The following ZNF250 variants were observed in gnomAD, a reference collection of about 807,000 sequenced individuals.
ZNF250 encodes the protein zinc finger protein 250.
A neutral mutation model predicts 37.1 loss-of-function variants in ZNF250; 13 were observed. The ratio of observed to expected loss-of-function variants is 0.35; its 90% CI spans 0.23 to 0.56. ZNF250 has a LOEUF of 0.56. ZNF250 is among the 20% of genes least tolerant of loss of function. ZNF250 has a pLI of 0.87. For synonymous variants in ZNF250, 251 were observed against 265.6 expected (o/e 0.94, Z 0.54); for missense variants, 474 against 697.9 (o/e 0.68, Z 3.61).
At chr8:144,893,497 ATTTTTGTACT>A (rs1832498679) in intron 1 of ZNF250, among the ~76,000 whole-genome samples, 1 of 151,648 alleles carries the variant, frequency 6.6e-6, no homozygotes, top group Admixed American at 6.6e-5. Context: ...TGCCCGGCTA[ATTTTTGTACT>A]TTTTGTAGGT....
At chr8:144,886,786 G>A (rs531286454) in intron 5 of ZNF250, 54 bp downstream of exon 5, 3 of 1,526,192 alleles carry the variant, frequency 2.0e-6, no homozygotes, top group African/African-American at 1.4e-5. Context: ...TAAAACATTA[G>A]TGTTAACACC....
intron 5 of ZNF250, among the ~76,000 whole-genome samples, chr8:144,883,690 G>C (rs531361750): frequency 2.8e-4 from 42 of 151,918 alleles, no homozygotes; most frequent in Non-Finnish European, 5.1e-4. Context: ...GGAGGGGAGG[G>C]AAGGACAAGA....
intron 1 of ZNF250, among the ~76,000 whole-genome samples, chr8:144,899,096 GGTCATTAT>G (rs1832917051): frequency 6.6e-6 from 1 of 152,092 alleles, no homozygotes; most frequent in Non-Finnish European, 1.5e-5. Flanking sequence ...TGGAACTGGA[GGTCATTAT>G]GTTAATTGAA....
chr8:144,896,008 C>CAAA (rs1183288137), intron 1 of ZNF250, among the ~76,000 whole-genome samples: 1,346 of 64,854 alleles, frequency 0.021, 39 homozygotes, highest in African/African-American at 0.07. Context: ...GACTCTGTCT[C>CAAA]AAAAAAAAAA....
At position 144,897,492 on chromosome 8, in the gene ZNF250, C is replaced by T. The variant is rs572440173; in HGVS notation, c.-55+3907G>A. Among the ~76,000 whole-genome samples, 7 of 152,190 alleles carry T rather than the reference C, an allele frequency of 4.6e-5. No individual in the cohort carries two copies. The highest frequency in any genetic ancestry group is 6.5e-5 in the Admixed American group (1 of 15,274). On this transcript the variant is annotated intron_variant, in intron 1 of 5. Transcript: ENST00000417550. This position sits in a 1 kb window ranked among gnomAD's most constrained non-coding sequence, Gnocchi z 5.2. ...GTATCCAAATTGATAGCTTTCTGGT[C>T]GGGCACAGTGGCTCATGCCTGTAAT... is the stretch of plus-strand genomic sequence containing the variant.
Position 144,882,159 on chromosome 8 carries a change from T to C in ZNF250, c.1024A>G (p.Thr342Ala), listed in dbSNP as rs144962812. Residue 342 changes from threonine to alanine, a missense_variant, in exon 6 of 6, where the codon ACC (threonine) becomes GCC (alanine). By Grantham distance (58) the Thr-to-Ala change is moderately conservative. Coordinates refer to ENST00000417550, the MANE Select transcript of ZNF250 (RefSeq NM_001109689.4). The surrounding 1 kb of genome is among the most constrained non-coding windows in gnomAD (Gnocchi z 5.5). The stretch of plus-strand genomic sequence containing the variant: ...AGCAGTGTCCTCTTCACACTGAAGG[T>C]TTTCCCACACTCATTGCACCTGTGA... ...KPHRCNECGK[T>A]FSVKRTLLQH... 3.4e-4 allele frequency: 545 copies of C among 1,610,670 alleles called. No homozygotes were observed. The highest frequency in any genetic ancestry group is 4.3e-4 in the Non-Finnish European group (506 of 1,179,072).
chr8:144,893,844 G>A (rs1396617879), intron 1 of ZNF250, among the ~76,000 whole-genome samples: 2 of 152,062 alleles, frequency 1.3e-5, no homozygotes, highest in South Asian at 2.1e-4. Context: ...CGAGGCTTTC[G>A]ACTAGGCTAA....
chr8:144,900,643 G>A (rs1190827227), intron 1 of ZNF250, among the ~76,000 whole-genome samples: 1 of 152,120 alleles, frequency 6.6e-6, no homozygotes, highest in Non-Finnish European at 1.5e-5. Flanking sequence ...TTAAAATAGG[G>A]CTCTAACACA....
At chr8:144,887,690 TG>T (rs1831994607) in intron 4 of ZNF250, among the ~76,000 whole-genome samples, 1 of 152,192 alleles carries the variant, frequency 6.6e-6, no homozygotes, top group African/African-American at 2.4e-5. Context: ...AGCCCAGGAC[TG>T]GTTTGGCAGT....
At chr8:144,888,998 G>C (rs1159575368) in intron 4 of ZNF250, among the ~76,000 whole-genome samples, 1 of 152,100 alleles carries the variant, frequency 6.6e-6, no homozygotes, top group Admixed American at 6.5e-5. Context: ...TTGATCTCCT[G>C]ACCTCGTGAT....
At chr8:144,884,367 T>C (rs1224064277) in intron 5 of ZNF250, among the ~76,000 whole-genome samples, 1 of 152,240 alleles carries the variant, frequency 6.6e-6, no homozygotes, top group Non-Finnish European at 1.5e-5. Context: ...TTCTCCTGCC[T>C]CAGCCTCCCC....
In ZNF250 at chr8:144,882,702, A is replaced by G; in HGVS notation, c.481T>C (p.Cys161Arg). 1.2e-6 allele frequency: 2 copies of G among 1,614,070 alleles called. No individual in the cohort carries two copies. The highest frequency in any genetic ancestry group is 8.5e-7 in the Non-Finnish European group (1 of 1,179,904). Residue 161 changes from cysteine to arginine, a missense_variant, in exon 6 of 6, where the codon TGT becomes CGT. Transcript: ENST00000417550. This position sits in a 1 kb window ranked among gnomAD's most constrained non-coding sequence, Gnocchi z 5.5. The stretch of plus-strand genomic sequence containing the variant: ...TGGTCAACAGAGTTTGGACTCAGAC[A>G]GAAGCTTTGCTTTGTTTCATTATTT... ...QENNETKQSF[C>R]LSPNSVDHRE...
In ZNF250 at chr8:144,897,359, G is replaced by A. The variant is rs945593241; in HGVS notation, c.-55+4040C>T. ...AAGAGAGGCAGCTTCTGAGCCACTT[G>A]TGAGCACAAGGCGAAACACTGCTAA... On this transcript the variant is annotated intron_variant, in intron 1 of 5. Coordinates refer to ENST00000417550, the MANE Select transcript of ZNF250 (RefSeq NM_001109689.4). The surrounding 1 kb of genome is among the most constrained non-coding windows in gnomAD (Gnocchi z 5.2). Among the ~76,000 whole-genome samples the A allele has an allele frequency of 2.0e-5, 3 of 152,246 alleles. No homozygotes were observed. The highest frequency in any genetic ancestry group is 4.4e-5 in the Non-Finnish European group (3 of 68,050).
chr8:144,887,252 C>CAAAAAAAAAAAAAAAAAAAA (rs56677445), intron 4 of ZNF250, among the ~76,000 whole-genome samples: 1 of 63,080 alleles, frequency 1.6e-5, no homozygotes, highest in African/African-American at 7.6e-5. Context: ...CTCCGTCTCT[C>CAAAAAAAAAAAAAAAAAAAA]AAAAAAAAAA....
chr8:144,886,414 T>A (rs1831884919), intron 5 of ZNF250, among the ~76,000 whole-genome samples: 1 of 152,202 alleles, frequency 6.6e-6, no homozygotes, highest in East Asian at 1.9e-4. Flanking sequence ...TATGACTGCT[T>A]GTGAGACAGA....
At position 144,882,076 on chromosome 8, in the gene ZNF250, C is replaced by T. The variant is rs756372621; in HGVS notation, c.1107G>A (p.Lys369=). The T allele has an allele frequency of 2.3e-5, 37 of 1,613,842 alleles. No individual in the cohort carries two copies. The African/African-American group carries it at 2.4e-4, about 10-fold the overall frequency. ...EKPYTCSECG[K]AFSDRSVLIQ... ...TGAGGACTGAGCGGTCGCTGAAGGC[C>T]TTCCCACACTCGCTGCACGTGTAGG... Residue 369 remains lysine (K), a synonymous_variant, in exon 6 of 6, where the codon AAG becomes AAA. Coordinates refer to ENST00000417550, the MANE Select transcript of ZNF250 (RefSeq NM_001109689.4). The surrounding 1 kb of genome is among the most constrained non-coding windows in gnomAD (Gnocchi z 5.5).
intron 1 of ZNF250, among the ~76,000 whole-genome samples, chr8:144,892,683 T>C (rs1832428588): frequency 6.6e-6 from 1 of 152,072 alleles, no homozygotes; most frequent in Non-Finnish European, 1.5e-5. Flanking sequence ...GCCTCCCAAG[T>C]AGCTGGGATT....
Position 144,877,595 on chromosome 8 carries a change from G to A in ZNF250, c.*3920C>T, listed in dbSNP as rs1288964363. 5 of 152,152 alleles carry A rather than the reference G, an allele frequency of 3.3e-5. No individual in the cohort carries two copies. The highest frequency in any genetic ancestry group is 5.9e-5 in the Non-Finnish European group (4 of 68,036). 9.4% of individuals were successfully genotyped at this position (152,152 alleles called of 1,614,324 possible). A position where few individuals can be genotyped will look rare whatever the true frequency, so the allele number is the denominator to read the frequency against. ...GCCACCTCTTTCTCCTTGGAGAGGA[G>A]GAGGTGAGTGGCAAGAAAATGTAGC... On this transcript the variant is annotated 3_prime_UTR_variant, in exon 6 of 6. Transcript: ENST00000417550.
Position 144,881,862 on chromosome 8 carries a change from T to C in ZNF250, c.1321A>G (p.Thr441Ala), listed in dbSNP as rs757296644. Residue 441 changes from threonine to alanine, a missense_variant, in exon 6 of 6, where the codon ACT (threonine) becomes GCT (alanine). Thr to Ala is a moderately conservative substitution (Grantham distance 58). Transcript: ENST00000417550. ...SHLIQHQRVHTGEKPYVCGEC... is the reference protein window; with the variant it reads ...SHLIQHQRVHAGEKPYVCGEC... ...CCACACACATAGGGCTTCTCCCCAG[T>C]GTGGACTCTCTGGTGCTGGATCAGG... 1 of 1,614,226 alleles carries C rather than the reference T, an allele frequency of 6.2e-7. No individual in the cohort carries two copies. Among genetic ancestry groups the C allele is most frequent in the Non-Finnish European group, 8.5e-7 (1 of 1,180,028 alleles).
Sources: gnomAD v4.1 joint callset for allele counts (sites outside exome capture counted in the v4.1 genomes callset) on GRCh38, gnomAD v4.1.1 for gene constraint, Gnocchi (gnomAD v3.1) non-coding constraint, MANE v1.5 for transcripts, NCBI Gene and HGNC (gene_info 2026-07-23, HGNC 2026-07-21) for gene names.